Variants in JAK1 observed in about 807,000 individuals in gnomAD.
JAK1 encodes Janus kinase 1, also known as tyrosine-protein kinase JAK1.
A neutral mutation model predicts 136.6 loss-of-function variants in JAK1; 16 were observed. The observed-to-expected ratio is 0.12, with a 90% CI of 0.08 to 0.18. JAK1 has a LOEUF of 0.18. Among genes scored for constraint, JAK1 ranks in the 10% least tolerant of loss-of-function variants. The probability of loss-of-function intolerance (pLI) is 1.00; values close to 1 mark genes in which losing one functional copy is unlikely to be tolerated. For synonymous variants in JAK1, 492 were observed against 519.5 expected, an observed-to-expected ratio of 0.95 and a Z score of 0.72; for missense variants, 859 against 1,450.1, an observed-to-expected ratio of 0.59 and a Z score of 6.62.
intron 11 of JAK1, among the ~76,000 whole-genome samples, chr1:64,855,238 GA>G (rs1655852614): frequency 6.6e-6 from 1 of 152,222 alleles, no homozygotes; most frequent in Admixed American, 6.5e-5. Flanking sequence ...AAGGAAGAAA[GA>G]AGTGATTTTC....
At chr1:64,881,901 T>C (rs1262440352) in intron 3 of JAK1, among the ~76,000 whole-genome samples, 1 of 151,764 alleles carries the variant, frequency 6.6e-6, no homozygotes. Context: ...GAATAAACAA[T>C]ATAAACCAAA....
At chr1:65,039,640 C>T (rs1647111473) in intron 2 of JAK1, among the ~76,000 whole-genome samples, 1 of 152,100 alleles carries the variant, frequency 6.6e-6, no homozygotes, top group Non-Finnish European at 1.5e-5. Context: ...TATTTGGGGA[C>T]ACTAAAGGCA....
At chr1:65,055,039 T>C (rs1647469736) in intron 1 of JAK1, among the ~76,000 whole-genome samples, 1 of 152,160 alleles carries the variant, frequency 6.6e-6, no homozygotes, top group African/African-American at 2.4e-5. Flanking sequence ...CATAAAATTT[T>C]CCATTTTTAG....
intron 2 of JAK1, chr1:64,974,264 T>G (rs1358402073): frequency 6.6e-6 from 1 of 152,184 alleles, no homozygotes; most frequent in African/African-American, 2.4e-5. Context: ...ATACTTCAAC[T>G]CTCATAAGAT....
intron 4 of JAK1, among the ~76,000 whole-genome samples, chr1:64,878,475 C>T (rs1273747047): frequency 1.3e-5 from 2 of 151,314 alleles, no homozygotes; most frequent in Non-Finnish European, 2.9e-5. Context: ...TTCTAGTTAA[C>T]ACTTCAGGCA....
intron 1 of JAK1, among the ~76,000 whole-genome samples, chr1:64,938,014 T>G (rs779881144): frequency 6.6e-6 from 1 of 151,754 alleles, no homozygotes; most frequent in East Asian, 1.9e-4. Flanking sequence ...CAAGTAGCTA[T>G]GACTACAGGT....
intron 2 of JAK1, among the ~76,000 whole-genome samples, chr1:65,000,234 G>A (rs531684707): frequency 2.6e-5 from 4 of 152,102 alleles, no homozygotes; most frequent in South Asian, 2.1e-4. Context: ...TGATCCGCCC[G>A]CCTTGGCCAT....
intron 11 of JAK1, among the ~76,000 whole-genome samples, chr1:64,854,193 G>C (rs1191501016): frequency 6.6e-6 from 1 of 152,180 alleles, no homozygotes; most frequent in Non-Finnish European, 1.5e-5. Context: ...CAAACATCAA[G>C]AACCCAGGTC....
At chr1:65,033,184 T>C (rs1029803883) in intron 2 of JAK1, among the ~76,000 whole-genome samples, 2 of 152,160 alleles carry the variant, frequency 1.3e-5, no homozygotes, top group Non-Finnish European at 2.9e-5. Context: ...TTCCTGTTTT[T>C]GGATTTTAGA....
At chr1:64,970,210 GGGGT>G (rs1291866921), upstream of JAK1, among the ~76,000 whole-genome samples, 4 of 147,502 alleles carry the variant, frequency 2.7e-5, no homozygotes, top group African/African-American at 1.0e-4. Flanking sequence ...AGGCCAAGAC[GGGGT>G]GGATTGCTTG....
At chr1:64,940,360 A>G (rs1645867300) in intron 1 of JAK1, among the ~76,000 whole-genome samples, 1 of 140,562 alleles carries the variant, frequency 7.1e-6, no homozygotes, top group Non-Finnish European at 1.5e-5. Flanking sequence ...TCTGTTGCCC[A>G]GGCTGGAGTG....
chr1:64,906,411 C>T (rs1645191527), intron 1 of JAK1, among the ~76,000 whole-genome samples: 1 of 152,052 alleles, frequency 6.6e-6, no homozygotes, highest in African/African-American at 2.4e-5. Flanking sequence ...ACACCATCAA[C>T]ACACACCTCC....
intron 2 of JAK1, among the ~76,000 whole-genome samples, chr1:64,884,183 T>A (rs1445547609): frequency 6.6e-6 from 1 of 152,056 alleles, no homozygotes; most frequent in East Asian, 1.9e-4. Context: ...AAAACCCTGG[T>A]GAAAAGTGCG....
rs759709239 is a variant in JAK1, at chr1:64,844,790, C to T, written c.2215G>A (p.Asp739Asn). 9.3e-6 allele frequency: 15 copies of T among 1,614,204 alleles called. No individual in the cohort carries two copies. In the Admixed American group the frequency reaches 1.3e-4, roughly 14 times the overall value. ...AGCACCGTAATGGGGATGCCGGGGT[C>T]ACTGAGCTTGATGAATGGGCCACAC... ...SECGPFIKLSDPGIPITVLSR... is the reference protein window; with the variant it reads ...SECGPFIKLSNPGIPITVLSR... Residue 739 changes from aspartate (D) to asparagine (N), a missense_variant, in exon 16 of 25, where the codon GAC (aspartate) becomes AAC (asparagine). Physicochemically the swap from Asp to Asn is conservative, Grantham distance 23. Around this residue, in one of 4 missense-constraint regions of JAK1, gnomAD observed 409 missense variants for 753.8 expected, o/e 0.54. Transcript: ENST00000342505. The surrounding 1 kb of genome is among the most constrained non-coding windows in gnomAD (Gnocchi z 5.7).
chr1:64,925,082 T>C (rs10889505), intron 1 of JAK1, among the ~76,000 whole-genome samples: 36,886 of 151,978 alleles, frequency 0.24, 5,824 homozygotes, highest in East Asian at 0.53. Context: ...TATGCAAGTG[T>C]GAGATCTGTA....
At chr1:64,945,523 T>A (rs997900625) in intron 1 of JAK1, among the ~76,000 whole-genome samples, 43 of 152,030 alleles carry the variant, frequency 2.8e-4, no homozygotes, top group Non-Finnish European at 4.6e-4. Flanking sequence ...GAGGAGGATA[T>A]ATGGTAAAAT....
At chr1:64,933,013 A>G (rs1645725282) in intron 1 of JAK1, among the ~76,000 whole-genome samples, 1 of 152,224 alleles carries the variant, frequency 6.6e-6, no homozygotes, top group South Asian at 2.1e-4. Context: ...AACCTCCGAG[A>G]AATCTCAAAT....
At chr1:64,858,828 T>A (rs1333194505) in intron 9 of JAK1, among the ~76,000 whole-genome samples, 1 of 152,088 alleles carries the variant, frequency 6.6e-6, no homozygotes, top group Non-Finnish European at 1.5e-5. Flanking sequence ...CCAACATGTA[T>A]GGGATGGAGA....
At chr1:64,847,832 AAAC>A (rs1247473366) in intron 12 of JAK1, among the ~76,000 whole-genome samples, 157 bp from the exon 13 acceptor site, 1 of 152,148 alleles carries the variant, frequency 6.6e-6, no homozygotes, top group African/African-American at 2.4e-5. Context: ...CCTCCAGAGA[AAAC>A]AACAAGCTAT....
Sources: gnomAD v4.1 joint callset for allele counts (sites outside exome capture counted in the v4.1 genomes callset) on GRCh38, gnomAD v4.1.1 for gene constraint, gnomAD v4.1.1 regional missense constraint, Gnocchi (gnomAD v3.1) non-coding constraint, MANE v1.5 for transcripts, NCBI Gene and HGNC (gene_info 2026-07-23, HGNC 2026-07-21) for gene names.